NRP1: variants seen among roughly 807,000 people sequenced by gnomAD.
The protein encoded by NRP1 is neuropilin-1.
A neutral mutation model predicts 106.7 loss-of-function variants in NRP1; 35 were observed. The observed-to-expected ratio is 0.33, with a 90% CI of 0.25 to 0.43. The LOEUF is 0.43. Among genes scored for constraint, NRP1 ranks in the 20% least tolerant of loss-of-function variants. The pLI, the probability that NRP1 is intolerant of heterozygous loss-of-function variation, is 1.00. For synonymous variants in NRP1, 437 were observed against 417.9 expected, an observed-to-expected ratio of 1.05 and a Z score of -0.56; for missense variants, 1,024 against 1,170.4, an observed-to-expected ratio of 0.87 and a Z score of 1.83.
intron 2 of NRP1, among the ~76,000 whole-genome samples, chr10:33,297,686 CAAAAAA>C (rs10711145): frequency 3.1e-5 from 3 of 95,986 alleles, no homozygotes; most frequent in Non-Finnish European, 6.1e-5. Flanking sequence ...GACTTTGTCT[CAAAAAA>C]AAAAAAAAAA....
At chr10:33,317,310 A>G (rs1847110026) in intron 2 of NRP1, among the ~76,000 whole-genome samples, 1 of 152,200 alleles carries the variant, frequency 6.6e-6, no homozygotes, top group African/African-American at 2.4e-5. Flanking sequence ...TCCTGCAAAC[A>G]TGCTCTTTGG....
chr10:33,213,076 A>G, intron 9 of NRP1: 1 of 645,074 alleles, frequency 1.6e-6, no homozygotes, highest in South Asian at 2.0e-5. Context: ...AGGGGTTCTG[A>G]GCGCTGGCTG....
At chr10:33,300,015 C>T (rs776371515) in intron 2 of NRP1, among the ~76,000 whole-genome samples, 2 of 152,204 alleles carry the variant, frequency 1.3e-5, no homozygotes, top group Non-Finnish European at 2.9e-5. Context: ...TGCCTGCTAA[C>T]TCCCATTTCC....
chr10:33,215,123 T>C (rs1838652835), intron 8 of NRP1, among the ~76,000 whole-genome samples: 1 of 152,248 alleles, frequency 6.6e-6, no homozygotes, highest in South Asian at 2.1e-4. Flanking sequence ...AAGACCCTCA[T>C]TTTGACTTCA....
chr10:33,195,592 G>T (rs765224478), intron 12 of NRP1: 1 of 533,116 alleles, frequency 1.9e-6, no homozygotes, highest in Non-Finnish European at 3.8e-6. Context: ...GAACAGTGTG[G>T]ATCAAAGTAT....
intron 6 of NRP1, 40 bp from the exon 7 acceptor site, chr10:33,226,329 G>T (rs758330641): frequency 1.2e-6 from 2 of 1,606,230 alleles, no homozygotes; most frequent in Non-Finnish European, 8.5e-7. Context: ...CACCATCCCT[G>T]CAGCACAGTA....
Position 33,186,437 on chromosome 10 carries a change from A to G in NRP1, c.2114T>C (p.Val705Ala), listed in dbSNP as rs1160900157. ...SQADENQKGK[V>A]ARLVSPVVYS... ...AACCACAGGGCTCACCAGGCGAGCC[A>G]CTTTGCCCTTCTGATTTTCGTCAGC... The change falls in exon 14 of 17, where the codon GTG becomes GCG. Residue 705 changes from valine (V) to alanine (A), a missense_variant. Val to Ala is a moderately conservative substitution (Grantham distance 64). Transcript: ENST00000374867. 26 of 1,613,898 alleles carry G rather than the reference A, an allele frequency of 1.6e-5. No homozygotes were observed. The highest frequency in any genetic ancestry group is 2.1e-5 in the Non-Finnish European group (25 of 1,179,950).
At chr10:33,239,067 G>A (rs2133060495) in intron 6 of NRP1, among the ~76,000 whole-genome samples, 1 of 152,078 alleles carries the variant, frequency 6.6e-6, no homozygotes, top group Non-Finnish European at 1.5e-5. Context: ...GAAACAGGTG[G>A]ATCACTTGAG....
intron 1 of NRP1, 35 bp downstream of exon 1, chr10:33,334,275 C>A (rs902823953): frequency 5.2e-6 from 8 of 1,531,188 alleles, no homozygotes; most frequent in Non-Finnish European, 7.0e-6. Context: ...GGAGCCGGGG[C>A]GCCGCTGTCA....
At chr10:33,319,586 TTC>T (rs1480814141) in intron 2 of NRP1, among the ~76,000 whole-genome samples, 1 of 133,944 alleles carries the variant, frequency 7.5e-6, no homozygotes, top group African/African-American at 3.0e-5. Flanking sequence ...CTTTCTTTCT[TTC>T]TTTTTTTTTT....
At position 33,327,660 on chromosome 10, in the gene NRP1, G is replaced by GT. The variant is rs965711570; in HGVS notation, c.248+3047dup. 2.0e-3 allele frequency among the ~76,000 whole-genome samples: 296 copies of GT among 145,608 alleles called. 1 individual carries two copies. The highest frequency in any genetic ancestry group is 6.5e-3 in the African/African-American group (263 of 40,646). On this transcript the variant is annotated intron_variant, in intron 2 of 16. Transcript: ENST00000374867. The stretch of plus-strand genomic sequence containing the variant: ...TTCAAATAATTTCTGGTGTTCCCAG[G>GT]TTTTTTTTTTCCCCCTAGGGCATTC...
chr10:33,182,820 C>T, intron 15 of NRP1, 72 bp from the exon 16 acceptor site: 1 of 1,014,418 alleles, frequency 9.9e-7, no homozygotes, highest in Non-Finnish European at 1.5e-6. Flanking sequence ...ACTACACAAA[C>T]CTTTAGGTAC....
At chr10:33,198,136 A>AT (rs1278632251) in intron 11 of NRP1, among the ~76,000 whole-genome samples, 3 of 111,370 alleles carry the variant, frequency 2.7e-5, no homozygotes, top group African/African-American at 1.1e-4. Flanking sequence ...TTTTTTTTAA[A>AT]TTTTTAAATT....
At chr10:33,199,715 C>T (rs1012400574) in intron 11 of NRP1, among the ~76,000 whole-genome samples, 4 of 152,008 alleles carry the variant, frequency 2.6e-5, no homozygotes, top group African/African-American at 4.8e-5. Flanking sequence ...AGTATTGAAC[C>T]AATTCAGGGT....
chr10:33,314,269 T>C (rs544354015), intron 2 of NRP1, among the ~76,000 whole-genome samples: 1 of 152,216 alleles, frequency 6.6e-6, no homozygotes, highest in South Asian at 2.1e-4. Flanking sequence ...TAAAAGTTTT[T>C]ATAGAGACGG....
At chr10:33,222,635 C>T (rs1588764127) in intron 7 of NRP1, among the ~76,000 whole-genome samples, 1 of 152,018 alleles carries the variant, frequency 6.6e-6, no homozygotes, top group African/African-American at 2.4e-5. Context: ...ATTCTCCTGC[C>T]TCAGCCTCCT....
intron 2 of NRP1, among the ~76,000 whole-genome samples, chr10:33,314,892 G>T (rs1002706799): frequency 6.6e-6 from 1 of 152,146 alleles, no homozygotes; most frequent in Non-Finnish European, 1.5e-5. Flanking sequence ...CTCTTCCCTG[G>T]CAAGCCTGCT....
chr10:33,184,343 G>A (rs1377905137), intron 15 of NRP1, among the ~76,000 whole-genome samples: 1 of 152,172 alleles, frequency 6.6e-6, no homozygotes, highest in Non-Finnish European at 1.5e-5. Flanking sequence ...TGGAGCATCC[G>A]CATGCTGCTT....
At chr10:33,255,887 C>A (rs1842162801) in intron 5 of NRP1, among the ~76,000 whole-genome samples, 2 of 152,158 alleles carry the variant, frequency 1.3e-5, no homozygotes, top group Non-Finnish European at 2.9e-5. Flanking sequence ...CAGCATCTTC[C>A]ACAACCAAAC....
Sources: gnomAD v4.1 joint callset for allele counts (sites outside exome capture counted in the v4.1 genomes callset) on GRCh38, gnomAD v4.1.1 for gene constraint, MANE v1.5 for transcripts, NCBI Gene and HGNC (gene_info 2026-07-23, HGNC 2026-07-21) for gene names.